CACNG2: variants seen among roughly 807,000 people sequenced by gnomAD.
The protein encoded by CACNG2 is calcium voltage-gated channel auxiliary subunit gamma 2.
CACNG2 carries 3 observed loss-of-function variants against 25.9 expected under a neutral mutation model. The observed-to-expected ratio is 0.12, with a 90% CI of 0.05 to 0.30. The LOEUF is 0.30. Among genes scored for constraint, CACNG2 ranks in the 10% least tolerant of loss-of-function variants. The probability of loss-of-function intolerance (pLI) is 1.00; values close to 1 mark genes in which losing one functional copy is unlikely to be tolerated. For missense variants in CACNG2, 341 were observed against 432.5 expected (o/e 0.79, Z 1.88); for synonymous variants, 167 against 173.3 (o/e 0.96, Z 0.29).
intron 1 of CACNG2, among the ~76,000 whole-genome samples, chr22:36,693,283 G>A (rs956459738): frequency 6.6e-6 from 1 of 152,214 alleles, no homozygotes; most frequent in Non-Finnish European, 1.5e-5. Context: ...CACATAGTAT[G>A]TGTTCAGTCA....
intron 1 of CACNG2, among the ~76,000 whole-genome samples, chr22:36,615,552 T>C (rs1852454260): frequency 6.6e-6 from 1 of 152,254 alleles, no homozygotes; most frequent in Admixed American, 6.5e-5. Flanking sequence ...AAAAATGATA[T>C]GACCATCATT....
intron 1 of CACNG2, among the ~76,000 whole-genome samples, chr22:36,611,412 T>C (rs1935937063): frequency 6.6e-6 from 1 of 152,158 alleles, no homozygotes. Context: ...TGCAGACTCT[T>C]CAGAGGCAAA....
intron 1 of CACNG2, among the ~76,000 whole-genome samples, chr22:36,699,802 T>G (rs1937388165): frequency 6.6e-6 from 1 of 152,230 alleles, no homozygotes; most frequent in Non-Finnish European, 1.5e-5. Context: ...CCCCAAGGAC[T>G]GTCTACGCCA....
chr22:36,680,643 T>TACCAC (rs1601453148), intron 1 of CACNG2, among the ~76,000 whole-genome samples: 5 of 5,046 alleles, frequency 9.9e-4, no homozygotes, highest in Admixed American at 2.5e-3. Flanking sequence ...AACACCACCA[T>TACCAC]CATTATCACC....
At chr22:36,569,060 G>A (rs957572318) in intron 2 of CACNG2, among the ~76,000 whole-genome samples, 4 of 152,078 alleles carry the variant, frequency 2.6e-5, no homozygotes, top group African/African-American at 4.8e-5. Context: ...ACACCCACGC[G>A]TGACAGACAT....
rs1371881217 is a variant in CACNG2 at position 36,563,271 on chromosome 22, T to TG, written c.*1079dup. 2.6e-5 allele frequency among the ~76,000 whole-genome samples: 4 copies of TG among 151,834 alleles called. No homozygotes were observed. Among genetic ancestry groups the TG allele is most frequent in the Admixed American group, 2.6e-4 (4 of 15,236 alleles). On this transcript the variant is annotated 3_prime_UTR_variant, in exon 4 of 4. Coordinates refer to ENST00000300105, the MANE Select transcript of CACNG2 (RefSeq NM_006078.5). ...TCAATGAACCCCCTTCCCAGGGGAC[T>TG]GGGGGGCTTATGAGTCAGGGGGTCC...
At chr22:36,699,975 G>C (rs1162858431) in intron 1 of CACNG2, among the ~76,000 whole-genome samples, 1 of 152,252 alleles carries the variant, frequency 6.6e-6, no homozygotes, top group Non-Finnish European at 1.5e-5. Flanking sequence ...GGAAATTAAA[G>C]GCCCGGTCAA....
rs1192999174 is a variant in CACNG2 at position 36,702,877 on chromosome 22, AC to A, written c.-302del. 3.1e-5 allele frequency: 8 copies of A among 257,654 alleles called. No individual in the cohort carries two copies. Among genetic ancestry groups the A allele is most frequent in the African/African-American group, 1.4e-4 (6 of 42,200 alleles). The allele number at this position is 257,654 out of a possible 1,614,324, so 16.0% of individuals were successfully genotyped here. A position where few individuals can be genotyped will look rare whatever the true frequency, so the allele number is the denominator to read the frequency against. ...AAAAGGAAAAAAAAAATAAAAAGAC[AC>A]CCCCCACCCCCCCAAGTGAGATGCC... On this transcript the variant is annotated 5_prime_UTR_variant, in exon 1 of 4. Coordinates refer to ENST00000300105, the MANE Select transcript of CACNG2 (RefSeq NM_006078.5).
At chr22:36,650,107 C>T (rs6000365) in intron 1 of CACNG2, among the ~76,000 whole-genome samples, 21,672 of 152,178 alleles carry the variant, frequency 0.14, 4,174 homozygotes, top group African/African-American at 0.44. Context: ...CCCTCTCTCC[C>T]GCTGCCACCA....
intron 1 of CACNG2, among the ~76,000 whole-genome samples, chr22:36,672,963 C>T (rs1181870564): frequency 4.6e-5 from 7 of 152,352 alleles, no homozygotes; most frequent in African/African-American, 9.6e-5. Context: ...CAGTGGCTCA[C>T]GCCTGTAACC....
intron 2 of CACNG2, among the ~76,000 whole-genome samples, chr22:36,579,404 C>CA (rs34224180): frequency 0.27 from 12,880 of 47,154 alleles, 3,330 homozygotes; most frequent in African/African-American, 0.41. Context: ...AACTCTGTCT[C>CA]AAAAAAAAAA....
chr22:36,588,126 T>C (rs1163372144), intron 1 of CACNG2, among the ~76,000 whole-genome samples: 1 of 152,156 alleles, frequency 6.6e-6, no homozygotes, highest in Non-Finnish European at 1.5e-5. Context: ...CCCTGGGGGC[T>C]GGACTTTTGG....
chr22:36,702,610 T>G lies in CACNG2; in HGVS notation c.-34A>C, dbSNP rs1037510830. 5.1e-6 allele frequency: 8 copies of G among 1,572,350 alleles called. No individual in the cohort carries two copies. The African/African-American group carries it at 1.1e-4, about 21-fold the overall frequency. ...ATTATATAAACACCCAACCGACTTC[T>G]GGTTCTCGGGAGAGTGTGTGTGAGG... is the stretch of plus-strand genomic sequence containing the variant. On this transcript the variant is annotated 5_prime_UTR_variant, in exon 1 of 4. Transcript: ENST00000300105.
chr22:36,582,282 T>G (rs1229530625), intron 2 of CACNG2, among the ~76,000 whole-genome samples: 1 of 152,290 alleles, frequency 6.6e-6, no homozygotes, highest in African/African-American at 2.4e-5. Flanking sequence ...CTCTCCACAC[T>G]TGCTCTTCCT....
chr22:36,624,027 G>A (rs1269047826), intron 1 of CACNG2, among the ~76,000 whole-genome samples: 2 of 152,088 alleles, frequency 1.3e-5, no homozygotes, highest in East Asian at 1.9e-4. Context: ...CCTAAGCGGC[G>A]ACTCCTCACC....
chr22:36,624,862 T>C (rs1936160677), intron 1 of CACNG2, among the ~76,000 whole-genome samples: 1 of 151,698 alleles, frequency 6.6e-6, no homozygotes, highest in African/African-American at 2.4e-5. Flanking sequence ...ACCCTGTCTC[T>C]ACTAAAAATA....
chr22:36,688,591 G>A (rs1043579124), intron 1 of CACNG2, among the ~76,000 whole-genome samples: 9 of 151,594 alleles, frequency 5.9e-5, no homozygotes, highest in African/African-American at 2.2e-4. Flanking sequence ...TGATAGAGGT[G>A]CTGGGACTGA....
chr22:36,612,880 C>G (rs928929371), intron 1 of CACNG2, among the ~76,000 whole-genome samples: 1 of 152,164 alleles, frequency 6.6e-6, no homozygotes, highest in East Asian at 1.9e-4. Context: ...TTACCGGCTG[C>G]AGGTATTTCA....
chr22:36,578,099 C>T (rs1935355666), intron 2 of CACNG2, among the ~76,000 whole-genome samples: 1 of 152,052 alleles, frequency 6.6e-6, no homozygotes, highest in South Asian at 2.1e-4. Context: ...CGGTAGCTCA[C>T]ACCTGTCATC....
Sources: allele counts gnomAD v4.1 joint callset (sites outside exome capture counted in the v4.1 genomes callset), GRCh38; gene constraint gnomAD v4.1.1; transcripts MANE v1.5; gene names NCBI Gene and HGNC (gene_info 2026-07-23, HGNC 2026-07-21).